Variants in PKHD1 observed in about 807,000 individuals in gnomAD.
PKHD1 encodes PKHD1 ciliary IPT domain containing fibrocystin/polyductin.
A neutral mutation model predicts 412.0 loss-of-function variants in PKHD1; 291 were observed. The ratio of observed to expected loss-of-function variants is 0.71; its 90% confidence interval spans 0.64 to 0.78. The LOEUF is 0.78. Among genes scored for constraint, PKHD1 ranks in the 30% least tolerant of loss-of-function variants. The pLI is 0.00. For missense variants in PKHD1, 4,825 were observed against 4,950.7 expected (o/e 0.97, Z 0.76); for synonymous variants, 1,777 against 1,821.5 (o/e 0.98, Z 0.62).
rs267601071 is a variant in PKHD1, at chr6:52,056,947, G to A, written c.1545C>T (p.Phe515=). The A allele has an allele frequency of 1.2e-6, 2 of 1,613,804 alleles. No homozygotes were observed. Among genetic ancestry groups the A allele is most frequent in the Non-Finnish European group, 1.7e-6 (2 of 1,179,828 alleles). The change falls in exon 17 of 67, where the codon TTC becomes TTT. Residue 515 remains phenylalanine (F), a synonymous_variant. Transcript: ENST00000371117. ...GACTAGAGACATTGTCCCAAGTAAG[G>A]AAGAAGTTTCCTCTGCCTGATACAT... The part of the protein sequence containing the change: ...VLNVSGRGNF[F]LTWDNVSSQP...
At chr6:51,920,853 G>A (rs576268585) in intron 37 of PKHD1, among the ~76,000 whole-genome samples, 32 of 152,240 alleles carry the variant, frequency 2.1e-4, no homozygotes, top group Middle Eastern at 3.4e-3. Context: ...AGTCTTGGGA[G>A]GGTGTATGTG....
intron 61 of PKHD1, among the ~76,000 whole-genome samples, chr6:51,654,713 G>A (rs963483495): frequency 4.0e-5 from 6 of 150,926 alleles, no homozygotes; most frequent in African/African-American, 1.5e-4. Context: ...AATACAAACC[G>A]CAGGACAAGA....
At chr6:51,886,567 A>G (rs565834894) in intron 44 of PKHD1, among the ~76,000 whole-genome samples, 2 of 152,316 alleles carry the variant, frequency 1.3e-5, no homozygotes, top group African/African-American at 4.8e-5. Context: ...AGTACATCAT[A>G]TCATTTAAAT....
chr6:52,082,327 A>G (rs902382654), intron 4 of PKHD1, 65 bp downstream of exon 4: 27 of 1,541,350 alleles, frequency 1.8e-5, no homozygotes, highest in Non-Finnish European at 2.3e-5. Context: ...TATGTCACCA[A>G]AAGATACTGA....
intron 49 of PKHD1, among the ~76,000 whole-genome samples, chr6:51,851,634 T>G (rs1772260639): frequency 6.6e-6 from 1 of 152,198 alleles, no homozygotes; most frequent in South Asian, 2.1e-4. Context: ...GGATTAGTCT[T>G]GGTAGGGTGT....
rs532980292 is a variant in PKHD1 at position 51,911,730 on chromosome 6, C to T, written c.6490+69G>A. 29 of 1,330,754 alleles carry T rather than the reference C, an allele frequency of 2.2e-5. No individual in the cohort carries two copies. The African/African-American group carries it at 2.7e-4, about 13-fold the overall frequency. 82.4% of individuals were successfully genotyped at this position (1,330,754 alleles called of 1,614,324 possible). A position where few individuals can be genotyped will look rare whatever the true frequency, so the allele number is the denominator to read the frequency against. On this transcript the variant is annotated intron_variant, in intron 39 of 66. Transcript: ENST00000371117. ...TTAAAAGAGGTCAACCACAGCAATG[C>T]CATCTATCATCAGACAGTAAGAATA...
intron 66 of PKHD1, among the ~76,000 whole-genome samples, chr6:51,620,283 A>G (rs1766439669): frequency 6.6e-6 from 1 of 152,184 alleles, no homozygotes; most frequent in South Asian, 2.1e-4. Context: ...TTTCTATTAA[A>G]CAGACCTAAA....
At chr6:52,051,851 A>G (rs1806892250) in intron 21 of PKHD1, among the ~76,000 whole-genome samples, 2 of 58,396 alleles carry the variant, frequency 3.4e-5, no homozygotes, top group Non-Finnish European at 1.2e-4. Flanking sequence ...GGGCACCAAA[A>G]AATTCAGGCA....
intron 35 of PKHD1, among the ~76,000 whole-genome samples, chr6:51,982,398 T>C (rs1213097616): frequency 7.6e-6 from 1 of 132,116 alleles, no homozygotes; most frequent in East Asian, 2.3e-4. Flanking sequence ...AATTGAGAAA[T>C]CAGATGGTTG....
At chr6:52,079,543 C>T (rs1048144863) in intron 5 of PKHD1, among the ~76,000 whole-genome samples, 1 of 152,106 alleles carries the variant, frequency 6.6e-6, no homozygotes, top group African/African-American at 2.4e-5. Context: ...AATTTAGAAC[C>T]AGATGCAAGT....
At position 51,987,011 on chromosome 6, in the gene PKHD1, G is replaced by A. The variant is rs370016280; in HGVS notation, c.5751+23298C>T. Among the ~76,000 whole-genome samples, 180 of 152,310 alleles carry A rather than the reference G, an allele frequency of 1.2e-3. 4 individuals carry two copies. In the South Asian group the frequency reaches 0.036, roughly 31 times the overall value. ...TAAATAGCATGGCTTTAAAGAAAGC[G>A]TGGGTACAGACGTGTAGAAATGCTA... On this transcript the variant is annotated intron_variant, in intron 35 of 66. Coordinates refer to ENST00000371117, the MANE Select transcript of PKHD1 (RefSeq NM_138694.4).
chr6:52,085,720 A>ATT (rs142686249), intron 1 of PKHD1, among the ~76,000 whole-genome samples: 1,986 of 152,218 alleles, frequency 0.013, 24 homozygotes, highest in South Asian at 0.038. Flanking sequence ...CCAGTCTTCT[A>ATT]TTTCCACAGC....
At chr6:51,722,139 T>C in intron 60 of PKHD1, 1 of 1,537,760 alleles carries the variant, frequency 6.5e-7, no homozygotes, top group Non-Finnish European at 8.9e-7. Flanking sequence ...ACCCCACACC[T>C]TGTAATATCC....
intron 60 of PKHD1, among the ~76,000 whole-genome samples, chr6:51,667,172 G>T: frequency 7.0e-6 from 1 of 141,848 alleles, no homozygotes; most frequent in East Asian, 2.1e-4. Flanking sequence ...CAGTGTAAAA[G>T]TGTTCCTATT....
At chr6:51,816,993 T>C (rs1236444774) in intron 52 of PKHD1, among the ~76,000 whole-genome samples, 1 of 152,182 alleles carries the variant, frequency 6.6e-6, no homozygotes, top group Non-Finnish European at 1.5e-5. Flanking sequence ...CTCTTTGTAG[T>C]ACATGAAAAG....
chr6:52,074,918 C>T (rs1471417960), intron 6 of PKHD1, among the ~76,000 whole-genome samples: 5 of 152,164 alleles, frequency 3.3e-5, no homozygotes, highest in African/African-American at 9.7e-5. Flanking sequence ...GAAGAGACAC[C>T]GAGCAGAACT....
chr6:51,877,057 G>T, intron 46 of PKHD1, among the ~76,000 whole-genome samples: 1 of 37,104 alleles, frequency 2.7e-5, no homozygotes, highest in Non-Finnish European at 4.1e-5. Flanking sequence ...TCAACAAGAG[G>T]AGCTAACTAT....
rs181643462 is a variant in PKHD1 at position 52,005,051 on chromosome 6, C to T, written c.5751+5258G>A. 2.9e-3 allele frequency among the ~76,000 whole-genome samples: 438 copies of T among 152,278 alleles called. 1 individual carries two copies. Among genetic ancestry groups the T allele is most frequent in the Non-Finnish European group, 4.9e-3 (334 of 68,028 alleles). ...CCACCAATATTAGCAGCCCTAAACT[C>T]TAATCTCTGATTGGAAACTGAGAGC... On this transcript the variant is annotated intron_variant, in intron 35 of 66. Coordinates refer to ENST00000371117, the MANE Select transcript of PKHD1 (RefSeq NM_138694.4).
chr6:51,667,883 C>T (rs1171658147), intron 60 of PKHD1, among the ~76,000 whole-genome samples: 3 of 151,712 alleles, frequency 2.0e-5, no homozygotes, highest in Non-Finnish European at 4.4e-5. Context: ...TCTGAGGGCT[C>T]TGTTCTGTTC....
Sources: gnomAD v4.1 joint callset for allele counts (sites outside exome capture counted in the v4.1 genomes callset) on GRCh38, gnomAD v4.1.1 for gene constraint, MANE v1.5 for transcripts, NCBI Gene and HGNC (gene_info 2026-07-23, HGNC 2026-07-21) for gene names.